The following TFB1M variants were observed in gnomAD, a reference collection of about 807,000 sequenced individuals.
The protein encoded by TFB1M is transcription factor B1, mitochondrial, also known as dimethyladenosine transferase 1, mitochondrial.
TFB1M carries 27 observed loss-of-function variants against 31.1 expected under a neutral mutation model. The observed-to-expected ratio is 0.87, with a 90% CI of 0.64 to 1.20. The LOEUF (loss-of-function observed/expected upper bound fraction) is 1.20, where lower values mean the gene tolerates loss of function less well. Ranked by LOEUF, TFB1M falls within the 50% of genes most tolerant of loss-of-function variation. The pLI, the probability that TFB1M is intolerant of heterozygous loss-of-function variation, is 0.00. For missense variants in TFB1M, 394 were observed against 418.7 expected, an observed-to-expected ratio of 0.94 and a Z score of 0.51; for synonymous variants, 166 against 151.8, an observed-to-expected ratio of 1.09 and a Z score of -0.69.
At chr6:155,312,473 T>C (rs1300367136) in intron 1 of TFB1M, among the ~76,000 whole-genome samples, 2 of 152,196 alleles carry the variant, frequency 1.3e-5, no homozygotes, top group African/African-American at 4.8e-5. Context: ...CTAAAGCCAA[T>C]GCCTCTCAGA....
chr6:155,310,962 G>A (rs1562430725), intron 2 of TFB1M: 1 of 558,484 alleles, frequency 1.8e-6, no homozygotes, highest in Non-Finnish European at 3.2e-6. Flanking sequence ...CTTAAAGCAG[G>A]TTTTTTTCAA....
chr6:155,271,475 A>C (rs1784912148), intron 5 of TFB1M, among the ~76,000 whole-genome samples: 1 of 152,228 alleles, frequency 6.6e-6, no homozygotes, highest in African/African-American at 2.4e-5. Flanking sequence ...CACACACACA[A>C]AAATACCTGT....
intron 4 of TFB1M, among the ~76,000 whole-genome samples, chr6:155,296,235 T>G (rs1777165686): frequency 6.6e-6 from 1 of 151,970 alleles, no homozygotes; most frequent in African/African-American, 2.4e-5. Flanking sequence ...CTTCTCTTTC[T>G]CAGCTCCAAA....
downstream of TFB1M, chr6:155,254,522 A>G (rs746297229): frequency 1.2e-6 from 2 of 1,614,178 alleles, no homozygotes; most frequent in Non-Finnish European, 1.7e-6. Context: ...GAAAACGTGT[A>G]AGGATCGCCT....
In TFB1M at chr6:155,307,971, G is replaced by A. The variant is rs565730848; in HGVS notation, c.285+3217C>T. ...CTCTGAAAGGGTACGAGTGATTTAC[G>A]AATTTATCTCCAGTTCACAAATGGA... On this transcript the variant is annotated intron_variant, in intron 2 of 6. Transcript: ENST00000367166. 9.2e-5 allele frequency among the ~76,000 whole-genome samples: 14 copies of A among 151,426 alleles called. No individual in the cohort carries two copies. In the East Asian group the frequency reaches 2.1e-3, roughly 23 times the overall value.
chr6:155,310,173 A>G (rs909465777), intron 2 of TFB1M, among the ~76,000 whole-genome samples: 1 of 152,180 alleles, frequency 6.6e-6, no homozygotes, highest in Admixed American at 6.5e-5. Flanking sequence ...GTTTAAAATC[A>G]ATTTGTCCTT....
chr6:155,293,236 C>T (rs1303370414), intron 4 of TFB1M, among the ~76,000 whole-genome samples: 4 of 152,106 alleles, frequency 2.6e-5, no homozygotes, highest in African/African-American at 7.2e-5. Context: ...TCCAAAGACC[C>T]AAATGGAATT....
intron 2 of TFB1M, among the ~76,000 whole-genome samples, chr6:155,307,877 GT>G (rs1166548067): frequency 2.0e-5 from 3 of 151,460 alleles, no homozygotes; most frequent in Admixed American, 2.0e-4. Context: ...CCCGTGGGCC[GT>G]GTGTTGCACA....
At chr6:155,247,150 G>C in the TFB1M span, among the ~76,000 whole-genome samples, 2 of 152,218 alleles carry the variant, frequency 1.3e-5, no homozygotes. Context: ...GCAGGCTGTG[G>C]TGCCTGTCAC....
At chr6:155,272,151 G>C (rs1784947588) in intron 5 of TFB1M, among the ~76,000 whole-genome samples, 1 of 152,164 alleles carries the variant, frequency 6.6e-6, no homozygotes, top group Admixed American at 6.5e-5. Flanking sequence ...TTAATTTGAA[G>C]ACAACTGACC....
At chr6:155,239,232 T>A in the TFB1M span, among the ~76,000 whole-genome samples, 2 of 151,968 alleles carry the variant, frequency 1.3e-5, no homozygotes, top group Admixed American at 6.6e-5. Context: ...AAAGGAGAGT[T>A]TTTTAGTTGA....
intron 2 of TFB1M, chr6:155,303,629 T>A (rs1777532106): frequency 6.6e-6 from 1 of 152,242 alleles, no homozygotes; most frequent in Non-Finnish European, 1.5e-5. Context: ...ATCTTCCTTT[T>A]TAAAAAAATT....
Position 155,257,117 on chromosome 6 carries a change from C to CATAGT in TFB1M, c.*714_*718dup. ...TATGAAACAGAGAGCCACGGAAAAT[C>CATAGT]ATAGTATGATTCAATCCAGATATGG... On this transcript the variant is annotated 3_prime_UTR_variant, in exon 7 of 7. Transcript: ENST00000367166. 1.3e-6 allele frequency: 2 copies of CATAGT among 1,498,576 alleles called. No homozygotes were observed. Among genetic ancestry groups the CATAGT allele is most frequent in the Non-Finnish European group, 1.8e-6 (2 of 1,107,414 alleles). The allele number at this position is 1,498,576 out of a possible 1,614,324, so 92.8% of individuals were successfully genotyped here.
intron 2 of TFB1M, among the ~76,000 whole-genome samples, chr6:155,310,130 A>AAT (rs1328554519): frequency 1.3e-5 from 2 of 152,196 alleles, no homozygotes; most frequent in Non-Finnish European, 2.9e-5. Flanking sequence ...TTTTTCCATT[A>AAT]ATATATATAC....
At chr6:155,311,585 C>A (rs1431532093) in intron 1 of TFB1M, among the ~76,000 whole-genome samples, 1 of 152,186 alleles carries the variant, frequency 6.6e-6, no homozygotes, top group African/African-American at 2.4e-5. Context: ...GACAAAGTTT[C>A]TTAGCTTAAA....
intron 5 of TFB1M, among the ~76,000 whole-genome samples, chr6:155,284,674 C>G (rs1776540766): frequency 1.3e-5 from 2 of 152,104 alleles, no homozygotes; most frequent in African/African-American, 4.8e-5. Context: ...CATATAATAT[C>G]AAAGCCTAGT....
chr6:155,258,446 T>TGTGTGACAAATCATCAG (rs1239761685), intron 6 of TFB1M, among the ~76,000 whole-genome samples: 6 of 152,262 alleles, frequency 3.9e-5, no homozygotes. Flanking sequence ...TATTATTTCT[T>TGTGTGACAAATCATCAG]GTGTGACAAA....
At chr6:155,270,695 G>A (rs1387065682) in intron 5 of TFB1M, among the ~76,000 whole-genome samples, 2 of 152,164 alleles carry the variant, frequency 1.3e-5, no homozygotes, top group Admixed American at 1.3e-4. Flanking sequence ...AGAGTGGGGA[G>A]CAGCCGGGTC....
the TFB1M span, among the ~76,000 whole-genome samples, chr6:155,243,229 G>C: frequency 6.6e-6 from 1 of 152,082 alleles, no homozygotes; most frequent in Non-Finnish European, 1.5e-5. Context: ...GAGATTCTGT[G>C]AATCAGTCAA....
Sources: gnomAD v4.1 joint callset for allele counts (sites outside exome capture counted in the v4.1 genomes callset) on GRCh38, gnomAD v4.1.1 for gene constraint, MANE v1.5 for transcripts, NCBI Gene and HGNC (gene_info 2026-07-23, HGNC 2026-07-21) for gene names.